The following AK5 variants were observed in gnomAD, a reference collection of about 807,000 sequenced individuals.
The protein encoded by AK5 is adenylate kinase 5, also known as adenylate kinase isoenzyme 5.
In AK5, 27 loss-of-function variants were observed where a neutral mutation model predicts 69.5. The ratio of observed to expected loss-of-function variants is 0.39; its 90% confidence interval spans 0.29 to 0.54. The LOEUF is 0.54. Ranked by LOEUF, AK5 falls within the 20% of genes least tolerant of loss-of-function variation. AK5 has a pLI of 0.71. For synonymous variants in AK5, 260 were observed against 244.4 expected (o/e 1.06, Z -0.60); for missense variants, 531 against 700.4 (o/e 0.76, Z 2.73).
intron 8 of AK5, among the ~76,000 whole-genome samples, chr1:77,421,850 T>C (rs965721426): frequency 6.6e-6 from 1 of 152,164 alleles, no homozygotes; most frequent in African/African-American, 2.4e-5. Context: ...CCATGGCCCC[T>C]TCTCTCCTAA....
intron 8 of AK5, among the ~76,000 whole-genome samples, chr1:77,464,387 C>T (rs898940312): frequency 6.6e-6 from 1 of 152,152 alleles, no homozygotes; most frequent in African/African-American, 2.4e-5. Context: ...AGACCTCCTC[C>T]CACCTGGCTG....
chr1:77,504,511 A>T lies in AK5; in HGVS notation c.1148-14053A>T, dbSNP rs934364064. 3.3e-5 allele frequency among the ~76,000 whole-genome samples: 5 copies of T among 152,276 alleles called. No homozygotes were observed. In the East Asian group the frequency reaches 9.6e-4, roughly 29 times the overall value. The stretch of plus-strand genomic sequence containing the variant: ...TAAAAACCTACTTTTTATACTTAAC[A>T]AAACCTCATGGGCATCTTTCCAAGA... On this transcript the variant is annotated intron_variant, in intron 10 of 13. Transcript: ENST00000354567.
At position 77,558,169 on chromosome 1, in the gene AK5, A is replaced by G. The variant is rs115364725; in HGVS notation, c.1621-433A>G. On this transcript the variant is annotated intron_variant, in intron 13 of 13. Transcript: ENST00000354567. ...GCATGAAGTTGCTGTCAACATCCAT[A>G]TGCAGGTTTTTGGGTAGATGTTCAG... is the stretch of plus-strand genomic sequence containing the variant. 2.6e-3 allele frequency among the ~76,000 whole-genome samples: 392 copies of G among 152,330 alleles called. 3 individuals are homozygous for G. The highest frequency in any genetic ancestry group is 0.01 in the East Asian group (53 of 5,186).
chr1:77,360,347 G>C (rs1646841241), intron 6 of AK5, among the ~76,000 whole-genome samples: 2 of 152,186 alleles, frequency 1.3e-5, no homozygotes, highest in African/African-American at 4.8e-5. Context: ...ACTGTCCAAA[G>C]TTGCTTCTCT....
chr1:77,487,595 G>T (rs1655683184), intron 10 of AK5, among the ~76,000 whole-genome samples: 1 of 152,216 alleles, frequency 6.6e-6, no homozygotes, highest in East Asian at 1.9e-4. Flanking sequence ...ACTCTTGCAA[G>T]TTAAGATCAG....
chr1:77,540,968 G>T (rs1003098636), intron 13 of AK5, among the ~76,000 whole-genome samples: 1 of 151,916 alleles, frequency 6.6e-6, no homozygotes, highest in East Asian at 1.9e-4. Flanking sequence ...ATGCAATGGC[G>T]CAATCTTGGC....
chr1:77,329,361 G>T (rs1020743141), intron 5 of AK5, among the ~76,000 whole-genome samples: 2 of 152,080 alleles, frequency 1.3e-5, no homozygotes, highest in African/African-American at 4.8e-5. Context: ...ATATAAAGAA[G>T]AGGTTAAAAC....
intron 8 of AK5, among the ~76,000 whole-genome samples, chr1:77,425,068 A>G (rs530115719): frequency 6.6e-6 from 1 of 152,340 alleles, no homozygotes; most frequent in South Asian, 2.1e-4. Context: ...AATCATTTTT[A>G]CTTTCTTTTC....
chr1:77,534,155 A>G (rs1454435445), intron 12 of AK5, among the ~76,000 whole-genome samples: 3 of 152,110 alleles, frequency 2.0e-5, no homozygotes, highest in African/African-American at 4.8e-5. Flanking sequence ...CCTCTTCTTG[A>G]CTGAACTTTG....
At chr1:77,486,790 C>T (rs187250468) in intron 10 of AK5, among the ~76,000 whole-genome samples, 1 of 151,820 alleles carries the variant, frequency 6.6e-6, no homozygotes, top group African/African-American at 2.4e-5. Context: ...CCAAGTTTTC[C>T]GGTTATTTCT....
chr1:77,482,497 G>T (rs749728249), intron 8 of AK5, among the ~76,000 whole-genome samples: 1 of 152,184 alleles, frequency 6.6e-6, no homozygotes, highest in Non-Finnish European at 1.5e-5. Context: ...TAGGGGCCGG[G>T]CACGGTGGCT....
chr1:77,493,780 T>C (rs961076160), intron 10 of AK5, among the ~76,000 whole-genome samples: 2 of 152,196 alleles, frequency 1.3e-5, no homozygotes, highest in Non-Finnish European at 2.9e-5. Flanking sequence ...AAAAGAGACA[T>C]TGGACTACTT....
chr1:77,381,018 C>G (rs12742485), intron 6 of AK5, among the ~76,000 whole-genome samples: 17,895 of 152,198 alleles, frequency 0.12, 1,155 homozygotes, highest in Middle Eastern at 0.14. Context: ...TTGAGGGTCT[C>G]TCGGAGCATT....
intron 9 of AK5, among the ~76,000 whole-genome samples, chr1:77,484,864 T>G (rs1655489984): frequency 6.6e-6 from 1 of 152,240 alleles, no homozygotes; most frequent in Non-Finnish European, 1.5e-5. Flanking sequence ...TGTTCCCATG[T>G]CATTAAAAAC....
chr1:77,455,171 C>T (rs945691777), intron 8 of AK5, among the ~76,000 whole-genome samples: 3 of 150,890 alleles, frequency 2.0e-5, no homozygotes, highest in East Asian at 2.0e-4. Context: ...TCTAGTATAT[C>T]GCTAACGCAG....
chr1:77,545,005 A>G (rs894194931), intron 13 of AK5, among the ~76,000 whole-genome samples: 2 of 152,184 alleles, frequency 1.3e-5, no homozygotes, highest in African/African-American at 4.8e-5. Flanking sequence ...GATGGCTACC[A>G]CATCACAAGG....
In AK5 at chr1:77,499,305, G is replaced by T. The variant is rs138450173; in HGVS notation, c.1147+12953G>T. 4.2e-3 allele frequency among the ~76,000 whole-genome samples: 641 copies of T among 152,272 alleles called. 3 individuals carry two copies. The highest frequency in any genetic ancestry group is 0.015 in the African/African-American group (607 of 41,550). On this transcript the variant is annotated intron_variant, in intron 10 of 13. Transcript: ENST00000354567. ...AAAAGGACTCTTTCCTCTTGTAACAGAGTGTAGCTGTTTTGCTTTACTGTG... is the reference window on the plus strand; with the variant it reads ...AAAAGGACTCTTTCCTCTTGTAACATAGTGTAGCTGTTTTGCTTTACTGTG...
rs941504431 is a variant in AK5 at position 77,391,376 on chromosome 1, T to C, written c.892-19605T>C. Among the ~76,000 whole-genome samples, 10 of 137,704 alleles carry C rather than the reference T, an allele frequency of 7.3e-5. No individual in the cohort carries two copies. The South Asian group carries it at 1.2e-3, about 16-fold the overall frequency. The allele number at this position is 137,704 out of a possible 152,430, so 90.3% of individuals were successfully genotyped here. On this transcript the variant is annotated intron_variant, in intron 6 of 13. Coordinates refer to ENST00000354567, the MANE Select transcript of AK5 (RefSeq NM_174858.3). ...CATTTATTTGTCTGTCTCAGTACTTTATGCAAAAAAAAAAATATATATATA... is the reference window on the plus strand; with the variant it reads ...CATTTATTTGTCTGTCTCAGTACTTCATGCAAAAAAAAAAATATATATATA...
At chr1:77,513,610 T>G (rs570623146) in intron 10 of AK5, among the ~76,000 whole-genome samples, 58 of 152,256 alleles carry the variant, frequency 3.8e-4, no homozygotes, top group Admixed American at 7.2e-4. Context: ...GAGGCCGAGG[T>G]GGGCGGATCA....
Sources: gnomAD v4.1 joint callset for allele counts (sites outside exome capture counted in the v4.1 genomes callset) on GRCh38, gnomAD v4.1.1 for gene constraint, MANE v1.5 for transcripts, NCBI Gene and HGNC (gene_info 2026-07-23, HGNC 2026-07-21) for gene names.